Variants in SEMA5A observed in about 807,000 individuals in gnomAD.
SEMA5A encodes the protein semaphorin 5A.
SEMA5A carries 55 observed loss-of-function variants against 135.5 expected under a neutral mutation model. The ratio of observed to expected loss-of-function variants is 0.41; its 90% confidence interval spans 0.33 to 0.51. SEMA5A has a LOEUF of 0.51. Ranked by LOEUF, SEMA5A falls within the 20% of genes least tolerant of loss-of-function variation. The probability of loss-of-function intolerance (pLI) is 0.37; values close to 1 mark genes in which losing one functional copy is unlikely to be tolerated. For missense variants in SEMA5A, 1,290 were observed against 1,419.9 expected, an observed-to-expected ratio of 0.91 and a Z score of 1.47; for synonymous variants, 580 against 546.5, an observed-to-expected ratio of 1.06 and a Z score of -0.85.
At chr5:9,312,759 G>A (rs1752200632) in intron 5 of SEMA5A, among the ~76,000 whole-genome samples, 1 of 152,124 alleles carries the variant, frequency 6.6e-6, no homozygotes, top group Non-Finnish European at 1.5e-5. Context: ...CAAAAGGGAA[G>A]AGACTTCCGA....
At chr5:9,223,058 T>C (rs994592967) in intron 8 of SEMA5A, among the ~76,000 whole-genome samples, 1 of 152,224 alleles carries the variant, frequency 6.6e-6, no homozygotes, top group Non-Finnish European at 1.5e-5. Flanking sequence ...AAGAACAACT[T>C]GAAGCTGCAC....
intron 16 of SEMA5A, among the ~76,000 whole-genome samples, chr5:9,099,153 C>T (rs894877123): frequency 1.3e-5 from 2 of 152,066 alleles, no homozygotes; most frequent in Non-Finnish European, 2.9e-5. Context: ...TTTTTCTTTT[C>T]TCTCCATCTG....
intron 16 of SEMA5A, among the ~76,000 whole-genome samples, chr5:9,077,675 C>T (rs999180375): frequency 6.6e-6 from 1 of 152,148 alleles, no homozygotes; most frequent in Admixed American, 6.5e-5. Context: ...AGGGCAAAGC[C>T]TGGGATGGAT....
At chr5:9,394,284 C>A (rs1485239094) in intron 2 of SEMA5A, among the ~76,000 whole-genome samples, 1 of 152,154 alleles carries the variant, frequency 6.6e-6, no homozygotes, top group Non-Finnish European at 1.5e-5. Flanking sequence ...TATCCATTCT[C>A]TGAGGTCCAA....
chr5:9,404,884 A>G (rs1756813577), intron 2 of SEMA5A, among the ~76,000 whole-genome samples: 1 of 152,224 alleles, frequency 6.6e-6, no homozygotes, highest in South Asian at 2.1e-4. Flanking sequence ...GAAACCAACA[A>G]GTTATGCCCT....
chr5:9,191,614 T>C (rs995731733), intron 10 of SEMA5A, among the ~76,000 whole-genome samples: 3 of 107,240 alleles, frequency 2.8e-5, no homozygotes, highest in Non-Finnish European at 3.8e-5. Context: ...AAGATGGAAA[T>C]TGCTTTTTGA....
chr5:9,242,789 C>T (rs1404887227), intron 5 of SEMA5A, among the ~76,000 whole-genome samples: 2 of 152,028 alleles, frequency 1.3e-5, no homozygotes, highest in Admixed American at 6.6e-5. Flanking sequence ...TTTAAATGAT[C>T]AATTTCAAAA....
chr5:9,405,129 G>A (rs982663744), intron 2 of SEMA5A, among the ~76,000 whole-genome samples: 4 of 152,162 alleles, frequency 2.6e-5, no homozygotes, highest in African/African-American at 9.7e-5. Context: ...GAGACCGTGT[G>A]CACATCAAGA....
At chr5:9,412,208 A>G (rs1208644471) in intron 2 of SEMA5A, among the ~76,000 whole-genome samples, 2 of 152,064 alleles carry the variant, frequency 1.3e-5, no homozygotes, top group African/African-American at 4.8e-5. Flanking sequence ...CCGTCTCAGT[A>G]AAACATAGGT....
At chr5:9,161,785 A>G (rs956168595) in intron 11 of SEMA5A, among the ~76,000 whole-genome samples, 2 of 152,190 alleles carry the variant, frequency 1.3e-5, no homozygotes, top group East Asian at 1.9e-4. Context: ...ACCTTGCCCT[A>G]TTTTTCAAAT....
At chr5:9,150,250 T>C (rs1742560967) in intron 12 of SEMA5A, among the ~76,000 whole-genome samples, 1 of 152,202 alleles carries the variant, frequency 6.6e-6, no homozygotes, top group Non-Finnish European at 1.5e-5. Context: ...ATGGTACTCA[T>C]AGCTGGGCCT....
intron 1 of SEMA5A, among the ~76,000 whole-genome samples, chr5:9,481,703 C>T (rs1759882836): frequency 6.6e-6 from 1 of 152,048 alleles, no homozygotes; most frequent in African/African-American, 2.4e-5. Flanking sequence ...AGCCCAGATT[C>T]TCTAATAATT....
rs1281024981 is a variant in SEMA5A at position 9,037,204 on chromosome 5, TC to T, written c.*5692del. On this transcript the variant is annotated 3_prime_UTR_variant, in exon 23 of 23. Transcript: ENST00000382496. ...AGATCTGAAAGTGCCCTTGACTAGTTCCTGCCATTGCGCCAACACTGTAAAA... is the reference window on the plus strand; with the variant it reads ...AGATCTGAAAGTGCCCTTGACTAGTTCTGCCATTGCGCCAACACTGTAAAA... 2 of 152,206 alleles carry T rather than the reference TC, an allele frequency of 1.3e-5. No homozygotes were observed. The highest frequency in any genetic ancestry group is 4.8e-5 in the African/African-American group (2 of 41,438). The allele number at this position is 152,206 out of a possible 1,614,324, so 9.4% of individuals were successfully genotyped here.
At chr5:9,540,643 C>T (rs1198219448) in intron 1 of SEMA5A, among the ~76,000 whole-genome samples, 1 of 152,014 alleles carries the variant, frequency 6.6e-6, no homozygotes, top group Non-Finnish European at 1.5e-5. Context: ...TACAACAAAC[C>T]TAAATCTCAG....
chr5:9,182,341 C>T (rs1490359491), intron 11 of SEMA5A, among the ~76,000 whole-genome samples: 1 of 152,108 alleles, frequency 6.6e-6, no homozygotes, highest in Non-Finnish European at 1.5e-5. Flanking sequence ...TTCTCTCACT[C>T]CTCCAAAACA....
chr5:9,371,542 G>T (rs189458350), intron 3 of SEMA5A, among the ~76,000 whole-genome samples: 5 of 152,206 alleles, frequency 3.3e-5, no homozygotes, highest in Non-Finnish European at 2.9e-5. Flanking sequence ...TCTCCAGATA[G>T]AAAACTGACA....
intron 1 of SEMA5A, among the ~76,000 whole-genome samples, chr5:9,533,463 T>A (rs377110956): frequency 1.3e-5 from 2 of 152,230 alleles, no homozygotes; most frequent in African/African-American, 4.8e-5. Flanking sequence ...TCTCCAAGTA[T>A]GAACAGACCA....
chr5:9,209,913 T>C (rs1359610893), intron 8 of SEMA5A, among the ~76,000 whole-genome samples: 2 of 152,204 alleles, frequency 1.3e-5, no homozygotes, highest in Non-Finnish European at 1.5e-5. Context: ...GGAGGTAACA[T>C]TAGTCATCAG....
chr5:9,378,478 A>G (rs563727719), intron 3 of SEMA5A, among the ~76,000 whole-genome samples: 1 of 152,292 alleles, frequency 6.6e-6, no homozygotes, highest in Admixed American at 6.5e-5. Context: ...TGCACTACCC[A>G]TGACACGGTC....
Sources: gnomAD v4.1 joint callset for allele counts (sites outside exome capture counted in the v4.1 genomes callset) on GRCh38, gnomAD v4.1.1 for gene constraint, MANE v1.5 for transcripts, NCBI Gene and HGNC (gene_info 2026-07-23, HGNC 2026-07-21) for gene names.